CPNE4: variants seen among roughly 807,000 people sequenced by gnomAD.
CPNE4 encodes the protein copine 4.
In CPNE4, 25 loss-of-function variants were observed where a neutral mutation model predicts 67.9. That is an observed-to-expected ratio of 0.37 (90% confidence interval 0.27 to 0.51). The LOEUF is 0.51. CPNE4 is among the 20% of genes least tolerant of loss of function. The pLI, the probability that CPNE4 is intolerant of heterozygous loss-of-function variation, is 0.93. For synonymous variants in CPNE4, 242 were observed against 244.9 expected, an observed-to-expected ratio of 0.99 and a Z score of 0.11; for missense variants, 464 against 690.8, an observed-to-expected ratio of 0.67 and a Z score of 3.68.
intron 7 of CPNE4, among the ~76,000 whole-genome samples, chr3:131,657,475 G>A (rs1353507701): frequency 6.6e-6 from 1 of 151,510 alleles, no homozygotes; most frequent in Non-Finnish European, 1.5e-5. Context: ...GCTCACCTCA[G>A]GAATTGGGAG....
At chr3:131,716,382 C>A (rs2081686485) in intron 3 of CPNE4, among the ~76,000 whole-genome samples, 1 of 152,028 alleles carries the variant, frequency 6.6e-6, no homozygotes, top group African/African-American at 2.4e-5. Flanking sequence ...CAAATTATTT[C>A]AGAGACCTGA....
intron 7 of CPNE4, among the ~76,000 whole-genome samples, chr3:131,607,566 G>C (rs1447823377): frequency 6.6e-6 from 1 of 152,048 alleles, no homozygotes; most frequent in Admixed American, 6.6e-5. Flanking sequence ...GGTAGTTTTT[G>C]ATAAATGGAC....
intron 15 of CPNE4, 28 bp from the exon 16 acceptor site, chr3:131,535,357 G>T (rs527585476): frequency 1.3e-6 from 2 of 1,597,790 alleles, no homozygotes; most frequent in Non-Finnish European, 1.7e-6. Context: ...TCATCATGAC[G>T]TTGGCTTCTG....
chr3:131,997,923 T>C (rs2073336368), intron 1 of CPNE4, among the ~76,000 whole-genome samples: 1 of 152,108 alleles, frequency 6.6e-6, no homozygotes, highest in Non-Finnish European at 1.5e-5. Flanking sequence ...CTCTTATAAT[T>C]GCCTGCTTCC....
At chr3:131,650,872 T>C (rs946463904) in intron 7 of CPNE4, among the ~76,000 whole-genome samples, 5 of 152,114 alleles carry the variant, frequency 3.3e-5, no homozygotes, top group Non-Finnish European at 7.3e-5. Context: ...GGTGCTTTTA[T>C]TGATAGAAAT....
In CPNE4 at chr3:131,533,676, A is replaced by G. The variant is rs560368969; in HGVS notation, c.*1519T>C. 1.3e-5 allele frequency: 2 copies of G among 152,224 alleles called. No individual in the cohort carries two copies. Among genetic ancestry groups the G allele is most frequent in the Non-Finnish European group, 2.9e-5 (2 of 68,036 alleles). The allele number at this position is 152,224 out of a possible 1,614,324, so 9.4% of individuals were successfully genotyped here. ...CCCAAAATGTTGTGCATTTGGTGAC[A>G]TGTATTTGCAAGATTAGGATCTATA... is the stretch of plus-strand genomic sequence containing the variant. On this transcript the variant is annotated 3_prime_UTR_variant, in exon 16 of 16. Transcript: ENST00000429747.
chr3:131,581,562 G>T lies in CPNE4; in HGVS notation c.867+17C>A, dbSNP rs748322062. The T allele has an allele frequency of 2.6e-5, 40 of 1,555,634 alleles. No individual in the cohort carries two copies. The highest frequency in any genetic ancestry group is 3.6e-5 in the Non-Finnish European group (40 of 1,126,748). On this transcript the variant is annotated intron_variant, in intron 9 of 15. Transcript: ENST00000429747. ...GCCCTAGCTTCATACTCCTGGAAGAGAGGGTTGTGTACATACCTTGCACAG... is the reference window on the plus strand; with the variant it reads ...GCCCTAGCTTCATACTCCTGGAAGATAGGGTTGTGTACATACCTTGCACAG...
intron 15 of CPNE4, 63 bp from the exon 16 acceptor site, chr3:131,535,392 A>G (rs1935080476): frequency 1.4e-5 from 22 of 1,525,400 alleles, no homozygotes; most frequent in Non-Finnish European, 1.1e-5. Flanking sequence ...CTCATCCTAA[A>G]AGATTTGAGT....
At chr3:131,929,289 T>C (rs1231710095) in intron 1 of CPNE4, among the ~76,000 whole-genome samples, 2 of 151,294 alleles carry the variant, frequency 1.3e-5, no homozygotes, top group East Asian at 3.9e-4. Flanking sequence ...CATTCATTCA[T>C]GCCAGATAAG....
chr3:132,036,282 A>T (rs1199197998), upstream of CPNE4, among the ~76,000 whole-genome samples: 1 of 152,182 alleles, frequency 6.6e-6, no homozygotes, highest in Non-Finnish European at 1.5e-5. Context: ...TCACATGGCT[A>T]TGCATAAGTC....
intron 1 of CPNE4, among the ~76,000 whole-genome samples, chr3:131,962,347 A>C (rs1419402943): frequency 1.3e-5 from 2 of 152,212 alleles, no homozygotes; most frequent in South Asian, 2.1e-4. Flanking sequence ...ACCCGATCTG[A>C]CAGTTATAAT....
At chr3:131,632,574 G>A (rs748700523) in intron 7 of CPNE4, among the ~76,000 whole-genome samples, 3 of 152,136 alleles carry the variant, frequency 2.0e-5, no homozygotes, top group Admixed American at 6.5e-5. Context: ...TGACAAGGCT[G>A]ATGAATTCCT....
chr3:131,734,934 T>C (rs935429680), intron 2 of CPNE4, among the ~76,000 whole-genome samples: 1 of 152,058 alleles, frequency 6.6e-6, no homozygotes, highest in African/African-American at 2.4e-5. Context: ...TTTCTGTAAC[T>C]ACTCTGGCAG....
upstream of CPNE4, chr3:132,035,445 G>A (rs1314580200): frequency 6.6e-6 from 1 of 152,178 alleles, no homozygotes; most frequent in Non-Finnish European, 1.5e-5. Flanking sequence ...GCAGGAGCCT[G>A]GAAATTATTT....
chr3:132,035,083 G>A, upstream of CPNE4: 18 of 984,868 alleles, frequency 1.8e-5, no homozygotes, highest in Non-Finnish European at 2.0e-5. Flanking sequence ...CCCCCTGGGG[G>A]TTGCTGACGG....
intron 2 of CPNE4, among the ~76,000 whole-genome samples, chr3:131,833,176 T>A (rs1293908000): frequency 2.6e-5 from 4 of 152,184 alleles, no homozygotes; most frequent in Non-Finnish European, 5.9e-5. Context: ...TCCCTAGAAC[T>A]GTGAGAAATA....
At chr3:131,881,834 G>A (rs1011721310) in intron 2 of CPNE4, among the ~76,000 whole-genome samples, 8 of 152,146 alleles carry the variant, frequency 5.3e-5, no homozygotes, top group Non-Finnish European at 1.0e-4. Context: ...CGCAGTTGTG[G>A]TGAAGTGGTC....
At chr3:131,780,180 A>G (rs1403894584) in intron 2 of CPNE4, among the ~76,000 whole-genome samples, 1 of 152,124 alleles carries the variant, frequency 6.6e-6, no homozygotes, top group Non-Finnish European at 1.5e-5. Context: ...TCAAAAAATA[A>G]CAGATGCTGG....
At chr3:131,943,557 G>T (rs1480248839) in intron 1 of CPNE4, among the ~76,000 whole-genome samples, 2 of 151,966 alleles carry the variant, frequency 1.3e-5, no homozygotes, top group Non-Finnish European at 2.9e-5. Context: ...AAAAGCTCTG[G>T]ACATCTCCCC....
Sources: gnomAD v4.1 joint callset for allele counts (sites outside exome capture counted in the v4.1 genomes callset) on GRCh38, gnomAD v4.1.1 for gene constraint, MANE v1.5 for transcripts, NCBI Gene and HGNC (gene_info 2026-07-23, HGNC 2026-07-21) for gene names.